The following DOCK2 variants were observed in gnomAD, a reference collection of about 807,000 sequenced individuals.
DOCK2 encodes dedicator of cytokinesis 2, also known as dedicator of cytokinesis protein 2.
DOCK2 carries 87 observed loss-of-function variants against 248.9 expected under a neutral mutation model. The ratio of observed to expected loss-of-function variants is 0.35; its 90% CI spans 0.29 to 0.42. The LOEUF (loss-of-function observed/expected upper bound fraction) is 0.42, where lower values mean the gene tolerates loss of function less well. DOCK2 is among the 10% of genes least tolerant of loss of function. The pLI, the probability that DOCK2 is intolerant of heterozygous loss-of-function variation, is 1.00. For synonymous variants in DOCK2, 805 were observed against 821.6 expected, an observed-to-expected ratio of 0.98 and a Z score of 0.35; for missense variants, 1,747 against 2,300.2, an observed-to-expected ratio of 0.76 and a Z score of 4.92.
intron 27 of DOCK2, among the ~76,000 whole-genome samples, chr5:169,923,276 A>G (rs2113657468): frequency 6.6e-6 from 1 of 152,322 alleles, no homozygotes; most frequent in African/African-American, 2.4e-5. Flanking sequence ...TGGTAAGCTT[A>G]TATGAATGGT....
intron 46 of DOCK2, among the ~76,000 whole-genome samples, chr5:170,073,030 A>T (rs984732796): frequency 8.5e-5 from 13 of 152,172 alleles, no homozygotes; most frequent in Non-Finnish European, 1.8e-4. Flanking sequence ...TTAATTTATC[A>T]TATTTTTAAA....
rs374447897 is a variant in DOCK2, at chr5:169,747,345, A to G, written c.2268-51A>G. 22 of 1,540,958 alleles carry G rather than the reference A, an allele frequency of 1.4e-5. No individual in the cohort carries two copies. In the African/African-American group the frequency reaches 1.9e-4, roughly 14 times the overall value. Reference sequence around the variant, plus strand: ...AAGTTTGTGCCTAGTACACACTTTTAAAAGTATTGTCTGTTAGCTTGAGAA... The same window carrying G: ...AAGTTTGTGCCTAGTACACACTTTTGAAAGTATTGTCTGTTAGCTTGAGAA... On this transcript the variant is annotated intron_variant, in intron 22 of 51. Coordinates refer to ENST00000520908, the MANE Select transcript of DOCK2 (RefSeq NM_004946.3).
intron 13 of DOCK2, among the ~76,000 whole-genome samples, 191 bp downstream of exon 13, chr5:169,700,330 G>C (rs1157379616): frequency 6.6e-6 from 1 of 152,138 alleles, no homozygotes; most frequent in Non-Finnish European, 1.5e-5. Flanking sequence ...ATAGACACAA[G>C]CATGTAAATA....
chr5:170,044,093 C>T (rs1157878190), intron 38 of DOCK2, among the ~76,000 whole-genome samples: 1 of 152,160 alleles, frequency 6.6e-6, no homozygotes, highest in Admixed American at 6.6e-5. Context: ...CTCCTCAGTG[C>T]CCCCTCAGCT....
chr5:169,991,856 G>A (rs541003428), intron 29 of DOCK2, among the ~76,000 whole-genome samples: 2 of 152,316 alleles, frequency 1.3e-5, no homozygotes, highest in South Asian at 4.1e-4. Context: ...CTCTTTCTAA[G>A]ACTCAGTTTC....
intron 27 of DOCK2, chr5:169,841,332 A>C: frequency 1.0e-6 from 1 of 990,880 alleles, no homozygotes; most frequent in Non-Finnish European, 1.2e-6. Context: ...TCTTCTGCAT[A>C]AACAGTATGT....
intron 27 of DOCK2, among the ~76,000 whole-genome samples, chr5:169,852,685 C>T (rs1246007309): frequency 6.6e-6 from 1 of 152,198 alleles, no homozygotes; most frequent in Non-Finnish European, 1.5e-5. Context: ...TTAATAATAG[C>T]CATTATTATT....
At chr5:169,759,574 C>T in intron 23 of DOCK2, 131 bp from the exon 24 acceptor site, 2 of 955,932 alleles carry the variant, frequency 2.1e-6, no homozygotes, top group Non-Finnish European at 3.1e-6. Context: ...ACAGAGGCTT[C>T]CATCAATATT....
chr5:169,691,671 C>G (rs1303816302), intron 9 of DOCK2, among the ~76,000 whole-genome samples: 3 of 152,134 alleles, frequency 2.0e-5, no homozygotes, highest in Non-Finnish European at 2.9e-5. Context: ...TAAGACTTGG[C>G]AAGCATGTGT....
intron 27 of DOCK2, among the ~76,000 whole-genome samples, chr5:169,919,784 T>C (rs1377206234): frequency 1.3e-5 from 2 of 151,824 alleles, no homozygotes; most frequent in African/African-American, 4.8e-5. Flanking sequence ...AAACCCTTAT[T>C]CTTCCCTGGA....
intron 1 of DOCK2, among the ~76,000 whole-genome samples, chr5:169,650,854 C>T (rs1757764862): frequency 6.6e-6 from 1 of 152,114 alleles, no homozygotes; most frequent in Admixed American, 6.5e-5. Context: ...GGGAATGTGT[C>T]AGTATTCCCC....
intron 27 of DOCK2, among the ~76,000 whole-genome samples, chr5:169,955,855 T>G (rs190573504): frequency 7.9e-5 from 12 of 152,312 alleles, no homozygotes; most frequent in African/African-American, 2.9e-4. Flanking sequence ...TCATGTCTCA[T>G]GGTCAAGGTG....
chr5:169,901,230 G>T (rs1185692522), intron 27 of DOCK2, among the ~76,000 whole-genome samples: 2 of 152,162 alleles, frequency 1.3e-5, no homozygotes, highest in Admixed American at 6.5e-5. Context: ...GTGCACACTG[G>T]CTCTGATGCA....
At chr5:169,765,067 A>AGT (rs879944816) in intron 25 of DOCK2, among the ~76,000 whole-genome samples, 2 of 52,556 alleles carry the variant, frequency 3.8e-5, no homozygotes, top group Admixed American at 3.2e-4. Flanking sequence ...GGGCTCTTTT[A>AGT]GCGCACACAC....
chr5:169,962,747 A>G (rs758870281), intron 27 of DOCK2, among the ~76,000 whole-genome samples: 13 of 152,218 alleles, frequency 8.5e-5, no homozygotes, highest in Admixed American at 6.5e-5. Flanking sequence ...GAAATAGGGC[A>G]TACCATAGGA....
intron 44 of DOCK2, among the ~76,000 whole-genome samples, chr5:170,059,625 T>C (rs750544723): frequency 3.3e-5 from 5 of 152,242 alleles, no homozygotes; most frequent in African/African-American, 4.8e-5. Flanking sequence ...TAAGCTCCAC[T>C]AGAATATAAA....
intron 22 of DOCK2, among the ~76,000 whole-genome samples, chr5:169,723,143 T>A (rs571192306): frequency 6.6e-6 from 1 of 152,270 alleles, no homozygotes; most frequent in South Asian, 2.1e-4. Context: ...CTTATTTGGG[T>A]CTTGCTTCCT....
intron 2 of DOCK2, among the ~76,000 whole-genome samples, chr5:169,666,235 T>C (rs1039891010): frequency 3.3e-5 from 5 of 152,068 alleles, no homozygotes; most frequent in African/African-American, 1.2e-4. Flanking sequence ...AGGGCACTAA[T>C]CCCATTCATA....
intron 27 of DOCK2, among the ~76,000 whole-genome samples, chr5:169,851,468 C>G (rs923951249): frequency 1.1e-4 from 16 of 152,096 alleles, no homozygotes; most frequent in African/African-American, 3.9e-4. Context: ...CTGCATTCTC[C>G]CTGCTGTGTC....
Sources: gnomAD v4.1 joint callset for allele counts (sites outside exome capture counted in the v4.1 genomes callset) on GRCh38, gnomAD v4.1.1 for gene constraint, MANE v1.5 for transcripts, NCBI Gene and HGNC (gene_info 2026-07-23, HGNC 2026-07-21) for gene names.